PRICKLE1: variants seen among roughly 807,000 people sequenced by gnomAD.
PRICKLE1 encodes prickle-like protein 1.
PRICKLE1 carries 14 observed loss-of-function variants against 70.2 expected under a neutral mutation model. The ratio of observed to expected loss-of-function variants is 0.20; its 90% CI spans 0.13 to 0.31. The LOEUF (loss-of-function observed/expected upper bound fraction) is 0.31. PRICKLE1 is among the 10% of genes least tolerant of loss of function. The probability of loss-of-function intolerance (pLI) is 1.00; values close to 1 mark genes in which losing one functional copy is unlikely to be tolerated. For missense variants in PRICKLE1, 821 were observed against 1,026.2 expected, an observed-to-expected ratio of 0.80 and a Z score of 2.73; for synonymous variants, 357 against 379.9, an observed-to-expected ratio of 0.94 and a Z score of 0.70.
chr12:42,463,417 TA>T (rs530679199), intron 7 of PRICKLE1, among the ~76,000 whole-genome samples: 29 of 147,340 alleles, frequency 2.0e-4, no homozygotes, highest in Middle Eastern at 3.5e-3. Context: ...GGAAGATGTT[TA>T]AAAAAAAAAA....
intron 1 of PRICKLE1, among the ~76,000 whole-genome samples, chr12:42,546,920 T>C (rs931385269): frequency 1.1e-4 from 17 of 152,228 alleles, no homozygotes; most frequent in African/African-American, 4.1e-4. Flanking sequence ...CACTTTCATT[T>C]CAACTATTTT....
intron 1 of PRICKLE1, among the ~76,000 whole-genome samples, chr12:42,563,813 A>G (rs1466653443): frequency 1.3e-5 from 2 of 151,820 alleles, no homozygotes; most frequent in Admixed American, 6.6e-5. Context: ...AGACAGGGAG[A>G]GTATACGATT....
At chr12:42,582,424 C>A (rs1445817789) in intron 1 of PRICKLE1, among the ~76,000 whole-genome samples, 1 of 152,168 alleles carries the variant, frequency 6.6e-6, no homozygotes, top group African/African-American at 2.4e-5. Context: ...CATATGTATT[C>A]TCTTACAAGA....
At chr12:42,562,128 T>A (rs997063762) in intron 1 of PRICKLE1, among the ~76,000 whole-genome samples, 2 of 152,142 alleles carry the variant, frequency 1.3e-5, no homozygotes, top group Non-Finnish European at 2.9e-5. Context: ...CAGGCTGGTC[T>A]CAAACTCCTG....
At chr12:42,569,976 A>G (rs1335421320) in intron 1 of PRICKLE1, among the ~76,000 whole-genome samples, 3 of 152,244 alleles carry the variant, frequency 2.0e-5, no homozygotes, top group South Asian at 2.1e-4. Flanking sequence ...TTGTGAATCA[A>G]TTCGAAATCA....
chr12:42,460,734 C>T, intron 7 of PRICKLE1, 69 bp from the exon 8 acceptor site: 2 of 1,551,460 alleles, frequency 1.3e-6, no homozygotes, highest in Non-Finnish European at 1.8e-6. Context: ...TAAAAGTAAG[C>T]TACTGAAAGG....
chr12:42,461,701 T>G (rs1363429911), intron 7 of PRICKLE1, among the ~76,000 whole-genome samples: 1 of 152,224 alleles, frequency 6.6e-6, no homozygotes. Context: ...AAACAGATAT[T>G]GATCTCTTTT....
chr12:42,519,075 T>G (rs1593151526), intron 1 of PRICKLE1, among the ~76,000 whole-genome samples: 1 of 152,164 alleles, frequency 6.6e-6, no homozygotes, highest in Non-Finnish European at 1.5e-5. Flanking sequence ...GTAGTAATCG[T>G]TACCATCTGT....
chr12:42,515,572 CCA>C (rs1939597650), intron 1 of PRICKLE1, among the ~76,000 whole-genome samples: 1 of 152,158 alleles, frequency 6.6e-6, no homozygotes, highest in South Asian at 2.1e-4. Flanking sequence ...ACACTCTATC[CCA>C]TGTACCTTTT....
Position 42,460,576 on chromosome 12 carries a change from T to C in PRICKLE1, c.1729A>G (p.Met577Val). 6.2e-7 allele frequency: 1 copy of C among 1,614,066 alleles called. No homozygotes were observed. Among genetic ancestry groups the C allele is most frequent in the Non-Finnish European group, 8.5e-7 (1 of 1,180,028 alleles). The change falls in exon 8 of 8, where the codon ATG (methionine) becomes GTG (valine). Residue 577 changes from methionine to valine, a missense_variant. By Grantham distance (21) the Met-to-Val change is conservative. Coordinates refer to ENST00000345127, the MANE Select transcript of PRICKLE1 (RefSeq NM_153026.3). ...GAGTTCAAAGTTCCCATATTGCTCATCTTCTCACAATCTTCTGTTTCCATC... is the reference window on the plus strand; with the variant it reads ...GAGTTCAAAGTTCCCATATTGCTCACCTTCTCACAATCTTCTGTTTCCATC... Reference protein sequence around the residue: ...EEMETEDCEKMSNMGTLNSSM... With the variant: ...EEMETEDCEKVSNMGTLNSSM...
chr12:42,557,719 T>A (rs544743705), intron 1 of PRICKLE1, among the ~76,000 whole-genome samples: 1 of 152,318 alleles, frequency 6.6e-6, no homozygotes, highest in Non-Finnish European at 1.5e-5. Flanking sequence ...TCTGTGGGAG[T>A]CATCTTGTTT....
chr12:42,561,217 T>C (rs1385159178), intron 1 of PRICKLE1, among the ~76,000 whole-genome samples: 1 of 152,204 alleles, frequency 6.6e-6, no homozygotes, highest in Non-Finnish European at 1.5e-5. Flanking sequence ...TAATAACCTT[T>C]ATTCTCTTTT....
In PRICKLE1 at chr12:42,589,742, A is replaced by G. The variant is rs1211795399; in HGVS notation, c.-326T>C. 1 of 148,054 alleles carries G rather than the reference A, an allele frequency of 6.8e-6. No individual in the cohort carries two copies. The highest frequency in any genetic ancestry group is 1.5e-5 in the Non-Finnish European group (1 of 66,634). 9.2% of individuals were successfully genotyped at this position (148,054 alleles called of 1,614,324 possible). ...GCGCTGGCAGCTGGGCTGCAGGCGG[A>G]GTGCGCTCGGGCTCCGGAGCCGCGC... On this transcript the variant is annotated 5_prime_UTR_variant, in exon 1 of 8. Coordinates refer to ENST00000345127, the MANE Select transcript of PRICKLE1 (RefSeq NM_153026.3). This position sits in a 1 kb window ranked among gnomAD's most constrained non-coding sequence, Gnocchi z 5.0.
intron 2 of PRICKLE1, among the ~76,000 whole-genome samples, chr12:42,470,626 C>T (rs1378133601): frequency 6.6e-6 from 1 of 151,810 alleles, no homozygotes; most frequent in Non-Finnish European, 1.5e-5. Flanking sequence ...GACCACTCTT[C>T]CCGGTGGTGT....
chr12:42,531,941 T>C (rs1268250878), intron 1 of PRICKLE1, among the ~76,000 whole-genome samples: 1 of 152,210 alleles, frequency 6.6e-6, no homozygotes, highest in Non-Finnish European at 1.5e-5. Flanking sequence ...GAAGATCGCT[T>C]GAACCCAGGA....
intron 1 of PRICKLE1, among the ~76,000 whole-genome samples, chr12:42,540,724 G>C (rs1412140100): frequency 6.6e-6 from 1 of 152,012 alleles, no homozygotes; most frequent in Non-Finnish European, 1.5e-5. Context: ...CACCACGCTG[G>C]CTAATTTTGT....
At chr12:42,572,902 T>C (rs1940742157) in intron 1 of PRICKLE1, among the ~76,000 whole-genome samples, 1 of 152,176 alleles carries the variant, frequency 6.6e-6, no homozygotes, top group South Asian at 2.1e-4. Context: ...TACTAACATT[T>C]TGCAAATACA....
chr12:42,525,272 T>TGC, intron 1 of PRICKLE1, among the ~76,000 whole-genome samples: 1 of 152,246 alleles, frequency 6.6e-6, no homozygotes, highest in Admixed American at 6.5e-5. Flanking sequence ...TGCCTTGCCC[T>TGC]GTGCATCTCT....
Position 42,459,866 on chromosome 12 carries a change from C to T in PRICKLE1, c.2439G>A (p.Arg813=), listed in dbSNP as rs138524511. The change falls in exon 8 of 8, where the codon AGG becomes AGA. Residue 813 remains arginine (R), a synonymous_variant. Transcript: ENST00000345127. ...SALPTPQFGQ[R]TTKSKKKKGH... is the part of the protein sequence containing the mutation. ...CCTTTTTCTTCTTGGATTTTGTTGT[C>T]CTCTGACCAAACTGAGGGGTGGGAA... 5.3e-5 allele frequency: 85 copies of T among 1,613,932 alleles called. No homozygotes were observed. The African/African-American group carries it at 9.6e-4, about 18-fold the overall frequency.
Sources: allele counts gnomAD v4.1 joint callset (sites outside exome capture counted in the v4.1 genomes callset), GRCh38; gene constraint gnomAD v4.1.1; non-coding constraint Gnocchi (gnomAD v3.1); transcripts MANE v1.5; gene names NCBI Gene and HGNC (gene_info 2026-07-23, HGNC 2026-07-21).